The following LCK variants were observed in gnomAD, a reference collection of about 807,000 sequenced individuals.
The protein encoded by LCK is tyrosine-protein kinase Lck.
LCK carries 14 observed loss-of-function variants against 64.6 expected under a neutral mutation model. That is an observed-to-expected ratio of 0.22 (90% confidence interval 0.14 to 0.34). The LOEUF is 0.34. Among genes scored for constraint, LCK ranks in the 10% least tolerant of loss-of-function variants. The pLI is 1.00. For missense variants in LCK, 434 were observed against 668.1 expected, an observed-to-expected ratio of 0.65 and a Z score of 3.86; for synonymous variants, 277 against 263.6, an observed-to-expected ratio of 1.05 and a Z score of -0.49.
intron 1 of LCK, among the ~76,000 whole-genome samples, chr1:32,272,612 A>AGAGAGAGAGAAAGAGAGG: frequency 6.7e-6 from 1 of 148,512 alleles, no homozygotes; most frequent in South Asian, 2.1e-4. Context: ...AGAAAGAGAG[A>AGAGAGAGAGAAAGAGAGG]GAGAGAGAGA....
At chr1:32,254,911 G>A (rs572324161) in intron 1 of LCK, among the ~76,000 whole-genome samples, 30 of 152,270 alleles carry the variant, frequency 2.0e-4, no homozygotes, top group Admixed American at 1.8e-3. Flanking sequence ...CACTTTGGGG[G>A]GCCGTGATGG....
chr1:32,264,321 C>G (rs1179056857), intron 1 of LCK, among the ~76,000 whole-genome samples: 2 of 152,060 alleles, frequency 1.3e-5, no homozygotes, highest in Admixed American at 6.6e-5. Context: ...CCCCCTCCAC[C>G]CTTAGACTTT....
intron 12 of LCK, among the ~76,000 whole-genome samples, chr1:32,283,416 A>G (rs1200385838): frequency 6.6e-6 from 1 of 151,722 alleles, no homozygotes; most frequent in African/African-American, 2.4e-5. Flanking sequence ...CAAAACTTTG[A>G]TTTTGTAAAT....
chr1:32,266,549 G>T (rs1173472878), intron 1 of LCK, among the ~76,000 whole-genome samples: 1 of 148,124 alleles, frequency 6.8e-6, no homozygotes, highest in Non-Finnish European at 1.5e-5. Flanking sequence ...GCCTCCAAAA[G>T]GGCTGAGATT....
At chr1:32,252,911 C>G (rs1183932720) in intron 1 of LCK, among the ~76,000 whole-genome samples, 1 of 152,172 alleles carries the variant, frequency 6.6e-6, no homozygotes, top group Admixed American at 6.5e-5. Flanking sequence ...AGGGCAGAGA[C>G]CTCAGAGCAA....
At chr1:32,278,012 C>CA (rs1326501414) in intron 9 of LCK, among the ~76,000 whole-genome samples, 4 of 151,932 alleles carry the variant, frequency 2.6e-5, no homozygotes, top group East Asian at 1.9e-4. Context: ...TTCATTCCTA[C>CA]AAAAAAATGT....
chr1:32,274,716 C>T, intron 2 of LCK, 21 bp from the exon 3 acceptor site: 1 of 1,551,340 alleles, frequency 6.4e-7, no homozygotes, highest in Non-Finnish European at 8.8e-7. Flanking sequence ...TCTGACCCCA[C>T]CCTCATCCCC....
chr1:32,276,580 T>C lies in LCK; in HGVS notation c.785-27T>C, dbSNP rs1640279423. 3 of 1,589,986 alleles carry C rather than the reference T, an allele frequency of 1.9e-6. No homozygotes were observed. ...TCCCAGGACAGCTGCCTGGCGACTTTCCCACTCCTTCCCTTCCCCGACCCA... is the reference window on the plus strand; with the variant it reads ...TCCCAGGACAGCTGCCTGGCGACTTCCCCACTCCTTCCCTTCCCCGACCCA... On this transcript the variant is annotated intron_variant, in intron 8 of 12. Transcript: ENST00000336890. The surrounding 1 kb of genome is among the most constrained non-coding windows in gnomAD (Gnocchi z 4.6).
chr1:32,276,213 G>A lies in LCK; in HGVS notation c.632-124G>A. ...TGACCCTACGGCCCCAAGTGTTTGG[G>A]TGACAGCCCCACACCCCCTTGCTAG... On this transcript the variant is annotated intron_variant, in intron 7 of 12. Transcript: ENST00000336890. The surrounding 1 kb of genome is among the most constrained non-coding windows in gnomAD (Gnocchi z 4.6). 1.4e-6 allele frequency: 2 copies of A among 1,458,700 alleles called. No homozygotes were observed. Among genetic ancestry groups the A allele is most frequent in the African/African-American group, 1.4e-5 (1 of 71,508 alleles). 90.4% of individuals were successfully genotyped at this position (1,458,700 alleles called of 1,614,324 possible). A position where few individuals can be genotyped will look rare whatever the true frequency, so the allele number is the denominator to read the frequency against.
chr1:32,277,991 C>T (rs1640333914), intron 9 of LCK, among the ~76,000 whole-genome samples: 1 of 152,204 alleles, frequency 6.6e-6, no homozygotes, highest in Admixed American at 6.5e-5. Flanking sequence ...GTCTGTGCAA[C>T]ATAGCGAGAC....
At position 32,275,118 on chromosome 1, in the gene LCK, G is replaced by T; in HGVS notation, c.278+35G>T. On this transcript the variant is annotated intron_variant, in intron 4 of 12. Coordinates refer to ENST00000336890, the MANE Select transcript of LCK (RefSeq NM_005356.5). The surrounding 1 kb of genome is among the most constrained non-coding windows in gnomAD (Gnocchi z 6.9). ...TCTCCACCTTGCTCTGGCGGAGTCCGTGAGGGAGCGGCGATCTCCGCGACC... is the reference window on the plus strand; with the variant it reads ...TCTCCACCTTGCTCTGGCGGAGTCCTTGAGGGAGCGGCGATCTCCGCGACC... 1 of 1,575,584 alleles carries T rather than the reference G, an allele frequency of 6.3e-7. No individual in the cohort carries two copies. The highest frequency in any genetic ancestry group is 1.3e-5 in the African/African-American group (1 of 74,276).
intron 1 of LCK, among the ~76,000 whole-genome samples, chr1:32,261,063 A>T (rs1639755526): frequency 6.6e-6 from 1 of 151,774 alleles, no homozygotes; most frequent in Non-Finnish European, 1.5e-5. Flanking sequence ...TTTTTAATTT[A>T]ATTTAATTAA....
At chr1:32,285,414 A>G in intron 12 of LCK, 100 bp from the exon 13 acceptor site, 1 of 1,043,312 alleles carries the variant, frequency 9.6e-7, no homozygotes, top group Non-Finnish European at 1.5e-6. Context: ...ATTCTTTTGG[A>G]TTGGTGCTCA....
intron 1 of LCK, among the ~76,000 whole-genome samples, chr1:32,252,677 C>T (rs1639536546): frequency 6.6e-6 from 1 of 152,150 alleles, no homozygotes; most frequent in Non-Finnish European, 1.5e-5. Context: ...TGCTCTTGGG[C>T]CCCAGGAACA....
intron 1 of LCK, among the ~76,000 whole-genome samples, chr1:32,255,093 C>T (rs76061163): frequency 0.012 from 1,792 of 152,254 alleles, 32 homozygotes; most frequent in African/African-American, 0.039. Flanking sequence ...ATATGCCCAT[C>T]GTGAAAAATT....
intron 1 of LCK, among the ~76,000 whole-genome samples, chr1:32,255,070 TC>T (rs1639597220): frequency 6.6e-6 from 1 of 152,100 alleles, no homozygotes; most frequent in East Asian, 1.9e-4. Flanking sequence ...CCTCCTCCAA[TC>T]CCACTTCTGG....
chr1:32,253,404 G>A (rs1639554734), intron 1 of LCK, among the ~76,000 whole-genome samples: 1 of 152,106 alleles, frequency 6.6e-6, no homozygotes, highest in Admixed American at 6.6e-5. Flanking sequence ...TCCTGCCTCA[G>A]CCTCCCAAGT....
rs572885877 is a variant in LCK, at chr1:32,257,632, C to G, written c.-6+6261C>G. On this transcript the variant is annotated intron_variant, in intron 1 of 12. Coordinates refer to ENST00000336890, the MANE Select transcript of LCK (RefSeq NM_005356.5). The stretch of plus-strand genomic sequence containing the variant: ...GGCATGGACATGGTGAACTGAGCTT[C>G]CAGAGCTGCCAGACTCCCAGAAACG... Among the ~76,000 whole-genome samples the G allele has an allele frequency of 2.9e-4, 44 of 152,168 alleles. No homozygotes were observed. In the South Asian group the frequency reaches 5.8e-3, roughly 20 times the overall value.
chr1:32,273,164 T>TG (rs999242029), intron 1 of LCK, among the ~76,000 whole-genome samples: 3 of 61,706 alleles, frequency 4.9e-5, no homozygotes, highest in East Asian at 5.5e-4. Context: ...AGTGTGTGTG[T>TG]GGGGGGGCAC....
Sources: allele counts gnomAD v4.1 joint callset (sites outside exome capture counted in the v4.1 genomes callset), GRCh38; gene constraint gnomAD v4.1.1; non-coding constraint Gnocchi (gnomAD v3.1); transcripts MANE v1.5; gene names NCBI Gene and HGNC (gene_info 2026-07-23, HGNC 2026-07-21).